The following IGBP1C variants were observed in gnomAD, a reference collection of about 807,000 sequenced individuals.
IGBP1C encodes IGBP1 family member C.
At chr17:58,661,515 C>T in the IGBP1C span, 3 of 780,034 alleles carry the variant, frequency 3.8e-6, no homozygotes, top group Admixed American at 1.7e-5. Flanking sequence ...GTCGCTCCTT[C>T]GACTTCGTCC....
chr17:58,678,347 A>G, the IGBP1C span, among the ~76,000 whole-genome samples: 1 of 152,312 alleles, frequency 6.6e-6, no homozygotes, highest in South Asian at 2.1e-4. Context: ...AGGATTATAA[A>G]TCATGCTACT....
the IGBP1C span, among the ~76,000 whole-genome samples, chr17:58,664,852 CT>C: frequency 6.6e-6 from 1 of 152,144 alleles, no homozygotes; most frequent in African/African-American, 2.4e-5. Flanking sequence ...AGAAGTGCCC[CT>C]AGGCAGTGTG....
At chr17:58,666,626 G>A in the IGBP1C span, 4 of 152,294 alleles carry the variant, frequency 2.6e-5, no homozygotes, top group East Asian at 1.9e-4. Flanking sequence ...TCAGCACAAA[G>A]TGCAACGAAT....
chr17:58,691,666 C>A, the IGBP1C span, among the ~76,000 whole-genome samples: 976 of 106,744 alleles, frequency 9.1e-3, no homozygotes, highest in Middle Eastern at 0.014. Context: ...GACTCTGTCT[C>A]AAAAAAAAAA....
the IGBP1C span, chr17:58,661,659 TG>T: frequency 4.8e-6 from 3 of 628,392 alleles, no homozygotes; most frequent in Non-Finnish European, 8.6e-6. Context: ...GTAAAGATTC[TG>T]GCGTAGATTT....
At chr17:58,660,726 G>C in the IGBP1C span, 1 of 781,354 alleles carries the variant, frequency 1.3e-6, no homozygotes, top group Non-Finnish European at 2.4e-6. Flanking sequence ...AATTCTTCTG[G>C]TGTTGCCTTG....
chr17:58,684,678 T>C, the IGBP1C span, among the ~76,000 whole-genome samples: 76 of 146,120 alleles, frequency 5.2e-4, no homozygotes, highest in East Asian at 0.013. Flanking sequence ...AATAAATAAA[T>C]AAAAAGCTTT....
the IGBP1C span, among the ~76,000 whole-genome samples, chr17:58,671,686 C>T: frequency 9.2e-5 from 14 of 152,142 alleles, no homozygotes; most frequent in Admixed American, 9.2e-4. Flanking sequence ...TTGTTTCTTT[C>T]TCTGGGTCTC....
At chr17:58,667,944 T>C in the IGBP1C span, among the ~76,000 whole-genome samples, 1 of 152,174 alleles carries the variant, frequency 6.6e-6, no homozygotes, top group South Asian at 2.1e-4. Flanking sequence ...CAAACCTTAT[T>C]CAGGCTTCTG....
the IGBP1C span, among the ~76,000 whole-genome samples, chr17:58,681,757 C>A: frequency 3.2e-4 from 49 of 151,942 alleles, no homozygotes; most frequent in African/African-American, 1.2e-3. Context: ...GAAGGAGAAT[C>A]GCTTGAACCT....
the IGBP1C span, among the ~76,000 whole-genome samples, chr17:58,664,789 T>C: frequency 6.6e-6 from 1 of 152,248 alleles, no homozygotes; most frequent in Non-Finnish European, 1.5e-5. Flanking sequence ...TATATTATTA[T>C]ATATGACATT....
chr17:58,680,132 T>C, the IGBP1C span, among the ~76,000 whole-genome samples: 1 of 152,068 alleles, frequency 6.6e-6, no homozygotes, highest in African/African-American at 2.4e-5. Flanking sequence ...CAGGCTGGGG[T>C]ACAGTAGTTA....
At chr17:58,661,414 G>T in the IGBP1C span, 3 of 837,916 alleles carry the variant, frequency 3.6e-6, no homozygotes, top group South Asian at 1.3e-5. Context: ...GGCTGAACAA[G>T]TCAAGCTGCG....
chr17:58,660,913 T>G, the IGBP1C span: 7 of 854,570 alleles, frequency 8.2e-6, no homozygotes, highest in African/African-American at 1.2e-4. Flanking sequence ...TAGAAGTGGA[T>G]GCCTCTCTTG....
the IGBP1C span, among the ~76,000 whole-genome samples, chr17:58,681,069 G>A: frequency 2.0e-5 from 3 of 152,034 alleles, no homozygotes; most frequent in Admixed American, 6.6e-5. Flanking sequence ...ATCACCTGAG[G>A]TCAGGAGTTC....
At chr17:58,691,543 T>G in the IGBP1C span, among the ~76,000 whole-genome samples, 1 of 151,546 alleles carries the variant, frequency 6.6e-6, no homozygotes, top group Non-Finnish European at 1.5e-5. Context: ...GGCGTGCGCC[T>G]GTAATCCCAG....
At chr17:58,676,946 G>A in the IGBP1C span, among the ~76,000 whole-genome samples, 29 of 151,996 alleles carry the variant, frequency 1.9e-4, no homozygotes, top group African/African-American at 4.6e-4. Context: ...GCGAAACCCC[G>A]TCTCTACTAA....
the IGBP1C span, among the ~76,000 whole-genome samples, chr17:58,665,445 A>T: frequency 6.6e-6 from 1 of 151,994 alleles, no homozygotes; most frequent in Admixed American, 6.6e-5. Context: ...TACTAAAAAT[A>T]CAGTTAGCTT....
At chr17:58,669,442 C>G in the IGBP1C span, among the ~76,000 whole-genome samples, 1 of 151,784 alleles carries the variant, frequency 6.6e-6, no homozygotes, top group Non-Finnish European at 1.5e-5. Flanking sequence ...AAGAATGTAA[C>G]AAGCCAGCTG....
Sources: gnomAD v4.1 joint callset for allele counts (sites outside exome capture counted in the v4.1 genomes callset) on GRCh38, gnomAD v4.1.1 for gene constraint, MANE v1.5 for transcripts, NCBI Gene and HGNC (gene_info 2026-07-23, HGNC 2026-07-21) for gene names.